The following PUS10 variants were observed in gnomAD, a reference collection of about 807,000 sequenced individuals.
PUS10 encodes the protein tRNA pseudouridine synthase Pus10.
A neutral mutation model predicts 75.0 loss-of-function variants in PUS10; 59 were observed. That is an observed-to-expected ratio of 0.79 (90% CI 0.64 to 0.98). The LOEUF is 0.98. PUS10 is among the 50% of genes least tolerant of loss of function. PUS10 has a pLI of 0.00. For synonymous variants in PUS10, 219 were observed against 211.6 expected, an observed-to-expected ratio of 1.03 and a Z score of -0.30; for missense variants, 650 against 614.4, an observed-to-expected ratio of 1.06 and a Z score of -0.61.
rs1420833231 is a variant in PUS10, at chr2:60,961,510, C to T, written c.827G>A (p.Cys276Tyr). 3 of 1,614,152 alleles carry T rather than the reference C, an allele frequency of 1.9e-6. No homozygotes were observed. The highest frequency in any genetic ancestry group is 1.7e-5 in the Admixed American group (1 of 60,030). Residue 276 changes from cysteine (C) to tyrosine (Y), a missense_variant, in exon 10 of 18, where the codon TGC becomes TAC. By Grantham distance (194) the Cys-to-Tyr change is radical (BLOSUM62 -2). Coordinates refer to ENST00000316752, the MANE Select transcript of PUS10 (RefSeq NM_144709.4). ...PCPPNSPKAV[C>Y]AVLEIECAHG... ...AGCACATTCAATTTCAAGAACAGCG[C>T]ATACAGCCTTTGGTGAGTTTGGAGG...
In PUS10 at chr2:61,018,043, C is replaced by G. The variant is rs1680130507; in HGVS notation, c.-51G>C. 3 of 1,452,012 alleles carry G rather than the reference C, an allele frequency of 2.1e-6. No individual in the cohort carries two copies. In the East Asian group the frequency reaches 7.4e-5, roughly 36 times the overall value. The allele number at this position is 1,452,012 out of a possible 1,614,324, so 89.9% of individuals were successfully genotyped here. On this transcript the variant is annotated 5_prime_UTR_variant, in exon 1 of 18. Coordinates refer to ENST00000316752, the MANE Select transcript of PUS10 (RefSeq NM_144709.4). The stretch of plus-strand genomic sequence containing the variant: ...TTTAGTGTCTCACAGCTGTTTCTGA[C>G]CCGGCAGCTCTAATCAGCAACGTTT...
At chr2:61,008,254 T>C (rs1252388532) in intron 3 of PUS10, among the ~76,000 whole-genome samples, 1 of 151,962 alleles carries the variant, frequency 6.6e-6, no homozygotes, top group African/African-American at 2.4e-5. Context: ...CTGGGCACAG[T>C]GGCTCATGTC....
chr2:61,007,556 G>A (rs761813870), intron 3 of PUS10, among the ~76,000 whole-genome samples: 2 of 151,902 alleles, frequency 1.3e-5, no homozygotes, highest in Non-Finnish European at 2.9e-5. Flanking sequence ...ATCACCTGAG[G>A]TCAGGAGTTC....
At chr2:60,954,055 C>A in intron 13 of PUS10, 27 bp downstream of exon 13, 1 of 1,611,672 alleles carries the variant, frequency 6.2e-7, no homozygotes, top group Non-Finnish European at 8.5e-7. Context: ...AGAAACATGA[C>A]GATTTCCATG....
Position 61,008,846 on chromosome 2 carries a change from G to C in PUS10, c.296C>G (p.Thr99Ser), listed in dbSNP as rs138733334. The C allele has an allele frequency of 2.1e-5, 33 of 1,607,418 alleles. No homozygotes were observed. The African/African-American group carries it at 4.0e-4, about 20-fold the overall frequency. The change falls in exon 3 of 18, where the codon ACT (threonine) becomes AGT (serine). Residue 99 changes from threonine to serine, a missense_variant. By Grantham distance (58) the Thr-to-Ser change is moderately conservative. Coordinates refer to ENST00000316752, the MANE Select transcript of PUS10 (RefSeq NM_144709.4). ...ATTTAAATTTGAGTTCTTGGAAGCA[G>C]TGCTTCCAACATGACTAACAGAGAT... ...GRISVSHVGS[T>S]ASKNSNLNVC...
At chr2:60,942,501 G>A (rs1573366414) in intron 17 of PUS10, 68 bp from the exon 18 acceptor site, 6 of 1,231,696 alleles carry the variant, frequency 4.9e-6, no homozygotes, top group East Asian at 2.3e-5. Context: ...TGGTAATGCT[G>A]TATAAATTTA....
At chr2:61,008,488 T>C (rs1679385399) in intron 3 of PUS10, among the ~76,000 whole-genome samples, 1 of 151,310 alleles carries the variant, frequency 6.6e-6, no homozygotes, top group African/African-American at 2.4e-5. Context: ...CAAAACTCCA[T>C]CTCAAAAAAA....
At chr2:61,013,855 T>C (rs778929183) in intron 1 of PUS10, among the ~76,000 whole-genome samples, 27 of 151,758 alleles carry the variant, frequency 1.8e-4, no homozygotes, top group Non-Finnish European at 2.4e-4. Context: ...TGAAACCTTG[T>C]CTCTACTAAA....
At chr2:61,009,983 T>C (rs1558999677) in intron 2 of PUS10, 1 of 152,236 alleles carries the variant, frequency 6.6e-6, no homozygotes. Flanking sequence ...AATATAGATA[T>C]AACATAGTGC....
intron 14 of PUS10, among the ~76,000 whole-genome samples, chr2:60,953,399 A>C (rs1025785892): frequency 1.3e-5 from 2 of 152,204 alleles, no homozygotes; most frequent in African/African-American, 4.8e-5. Flanking sequence ...GTATCTCTAT[A>C]GATTTACCTA....
At chr2:60,983,087 C>A (rs1341137563) in intron 4 of PUS10, among the ~76,000 whole-genome samples, 1 of 152,096 alleles carries the variant, frequency 6.6e-6, no homozygotes, top group Non-Finnish European at 1.5e-5. Context: ...AGATGGGGGT[C>A]TCACTACGTT....
intron 4 of PUS10, among the ~76,000 whole-genome samples, chr2:61,000,937 A>T (rs1341289798): frequency 6.6e-6 from 1 of 152,196 alleles, no homozygotes; most frequent in Middle Eastern, 3.2e-3. Flanking sequence ...ACTGAAATGT[A>T]ATGCACCCAG....
In PUS10 at chr2:61,011,921, G is replaced by C. The variant is rs762811687; in HGVS notation, c.-15-16C>G. On this transcript the variant is annotated splice_polypyrimidine_tract_variant and intron_variant, in intron 1 of 17. Coordinates refer to ENST00000316752, the MANE Select transcript of PUS10 (RefSeq NM_144709.4). ...ATAATTATAACTAGAAAGAAAAGAA[G>C]TAAAACTAATGAGCAGCTTCTGCGT... is the stretch of plus-strand genomic sequence containing the variant. 1 of 1,578,908 alleles carries C rather than the reference G, an allele frequency of 6.3e-7. No homozygotes were observed. Among genetic ancestry groups the C allele is most frequent in the Non-Finnish European group, 8.6e-7 (1 of 1,167,168 alleles).
intron 4 of PUS10, among the ~76,000 whole-genome samples, chr2:60,995,314 G>A (rs952093135): frequency 6.6e-6 from 1 of 151,988 alleles, no homozygotes; most frequent in Non-Finnish European, 1.5e-5. Flanking sequence ...CTAAGAAAGG[G>A]GTTTTATCTT....
At chr2:60,987,304 G>T (rs935473606) in intron 4 of PUS10, among the ~76,000 whole-genome samples, 3 of 152,142 alleles carry the variant, frequency 2.0e-5, no homozygotes, top group Non-Finnish European at 2.9e-5. Flanking sequence ...GAAAGGCAGG[G>T]GTCCCTGGAC....
chr2:61,015,672 C>G (rs1395996160), intron 1 of PUS10, among the ~76,000 whole-genome samples: 1 of 152,194 alleles, frequency 6.6e-6, no homozygotes, highest in Non-Finnish European at 1.5e-5. Flanking sequence ...GTACTCCAGT[C>G]TGGGCAACAG....
At chr2:60,972,395 G>A (rs1407027876) in intron 4 of PUS10, among the ~76,000 whole-genome samples, 2 of 151,650 alleles carry the variant, frequency 1.3e-5, no homozygotes, top group African/African-American at 4.8e-5. Flanking sequence ...GCGTGAACCC[G>A]GGAGGCGGAG....
intron 10 of PUS10, 120 bp from the exon 11 acceptor site, chr2:60,960,637 A>G (rs1675969287): frequency 1.2e-6 from 1 of 813,226 alleles, no homozygotes; most frequent in African/African-American, 1.8e-5. Context: ...AACAAGGCCT[A>G]TCCTTTACCT....
intron 1 of PUS10, among the ~76,000 whole-genome samples, chr2:61,016,710 T>C (rs1330108055): frequency 1.3e-5 from 2 of 152,142 alleles, no homozygotes; most frequent in Non-Finnish European, 2.9e-5. Context: ...AAGGACTTTA[T>C]TTTCACCTCT....
Sources: allele counts gnomAD v4.1 joint callset (sites outside exome capture counted in the v4.1 genomes callset), GRCh38; gene constraint gnomAD v4.1.1; transcripts MANE v1.5; gene names NCBI Gene and HGNC (gene_info 2026-07-23, HGNC 2026-07-21).